The following ATP2B2 variants were observed in gnomAD, a reference collection of about 807,000 sequenced individuals.
ATP2B2 encodes plasma membrane calcium-transporting ATPase 2.
A neutral mutation model predicts 120.0 loss-of-function variants in ATP2B2; 15 were observed. The ratio of observed to expected loss-of-function variants is 0.12; its 90% CI spans 0.08 to 0.19. The LOEUF (loss-of-function observed/expected upper bound fraction) is 0.19. ATP2B2 is among the 10% of genes least tolerant of loss of function. The pLI is 1.00. For synonymous variants in ATP2B2, 694 were observed against 700.3 expected, an observed-to-expected ratio of 0.99 and a Z score of 0.14; for missense variants, 1,045 against 1,719.8, an observed-to-expected ratio of 0.61 and a Z score of 6.94.
intron 1 of ATP2B2, among the ~76,000 whole-genome samples, chr3:10,484,183 G>C (rs1254151821): frequency 1.3e-5 from 2 of 152,150 alleles, no homozygotes; most frequent in Non-Finnish European, 2.9e-5. Flanking sequence ...GAGTCCAGGA[G>C]GGGTGCAGAA....
At chr3:10,592,104 A>G (rs1307966069) in intron 2 of ATP2B2, among the ~76,000 whole-genome samples, 1 of 152,194 alleles carries the variant, frequency 6.6e-6, no homozygotes, top group Non-Finnish European at 1.5e-5. Flanking sequence ...ACTCACAGAT[A>G]TGGAGAACAG....
At chr3:10,663,664 T>G (rs2070848706) in intron 1 of ATP2B2, among the ~76,000 whole-genome samples, 1 of 152,114 alleles carries the variant, frequency 6.6e-6, no homozygotes, top group African/African-American at 2.4e-5. Flanking sequence ...TCTGGCAGCA[T>G]GGGCACTAGA....
chr3:10,606,880 AACACACACACACACAC>A (rs147614282), intron 2 of ATP2B2, among the ~76,000 whole-genome samples: 1 of 100,050 alleles, frequency 1.0e-5, no homozygotes, highest in East Asian at 3.7e-4. Flanking sequence ...ACGGAGTCTA[AACACACACACACACAC>A]ACACACACAC....
intron 1 of ATP2B2, among the ~76,000 whole-genome samples, chr3:10,692,520 A>C (rs2125714841): frequency 6.6e-6 from 1 of 152,218 alleles, no homozygotes; most frequent in Non-Finnish European, 1.5e-5. Context: ...CTGGGTCTGA[A>C]ATGATTCTCT....
intron 12 of ATP2B2, among the ~76,000 whole-genome samples, chr3:10,360,770 A>C (rs758263329): frequency 2.0e-5 from 3 of 152,226 alleles, no homozygotes; most frequent in Non-Finnish European, 4.4e-5. Context: ...CCGGCTTTAC[A>C]TGAGCTTGTG....
intron 1 of ATP2B2, among the ~76,000 whole-genome samples, chr3:10,627,207 AAG>A (rs1468587973): frequency 6.6e-6 from 1 of 152,196 alleles, no homozygotes; most frequent in Non-Finnish European, 1.5e-5. Context: ...GGGCTTCTCT[AAG>A]AGGCGGGTGC....
chr3:10,549,806 G>A (rs1257538616), intron 2 of ATP2B2, among the ~76,000 whole-genome samples: 2 of 152,160 alleles, frequency 1.3e-5, no homozygotes, highest in Admixed American at 6.5e-5. Flanking sequence ...GGAGTCCAGG[G>A]AAGATAGAAA....
At chr3:10,353,200 C>T (rs896766365) in intron 14 of ATP2B2, among the ~76,000 whole-genome samples, 72 of 152,206 alleles carry the variant, frequency 4.7e-4, no homozygotes, top group Admixed American at 4.6e-3. Context: ...ACTCTGGGAA[C>T]ACAGAAGGGG....
intron 3 of ATP2B2, among the ~76,000 whole-genome samples, chr3:10,524,014 G>T (rs1437555905): frequency 6.6e-6 from 1 of 152,288 alleles, no homozygotes; most frequent in East Asian, 1.9e-4. Context: ...TTGTGCATAA[G>T]AATCCAGATT....
At chr3:10,440,099 C>CCAAA (rs2063612323) in intron 2 of ATP2B2, among the ~76,000 whole-genome samples, 1 of 46,070 alleles carries the variant, frequency 2.2e-5, no homozygotes, top group Non-Finnish European at 4.1e-5. Flanking sequence ...GAGACTCTAT[C>CCAAA]TAAAAAAAAA....
chr3:10,328,976 C>T lies in ATP2B2; in HGVS notation c.3570G>A (p.Leu1190=). The T allele has an allele frequency of 6.2e-7, 1 of 1,613,874 alleles. No individual in the cohort carries two copies. The highest frequency in any genetic ancestry group is 2.2e-5 in the East Asian group (1 of 44,862). Residue 1190 remains leucine (L), a synonymous_variant, in exon 23 of 23, where the codon CTG becomes CTA. Coordinates refer to ENST00000360273, the MANE Select transcript of ATP2B2 (RefSeq NM_001001331.4). ...TCTGCTTGAGCGCGGCATCTTCTTC[C>T]AGGTCGGTGTCATCAATGAGGGGGA... is the stretch of plus-strand genomic sequence containing the variant. ...PHIPLIDDTD[L]EEDAALKQNS...
intron 5 of ATP2B2, among the ~76,000 whole-genome samples, chr3:10,392,359 TGTGCC>T (rs2061880583): frequency 6.0e-5 from 9 of 150,982 alleles, no homozygotes; most frequent in Admixed American, 5.9e-4. Context: ...CTCACTGGGC[TGTGCC>T]CTGTCCTCTC....
intron 1 of ATP2B2, among the ~76,000 whole-genome samples, chr3:10,480,739 C>T (rs1279146531): frequency 6.6e-6 from 1 of 152,248 alleles, no homozygotes; most frequent in Non-Finnish European, 1.5e-5. Context: ...GCAAGGCCTA[C>T]TGCATTAGCC....
At chr3:10,683,760 G>GTGTGTGTGTGTA (rs1446781892) in intron 1 of ATP2B2, among the ~76,000 whole-genome samples, 21 of 53,880 alleles carry the variant, frequency 3.9e-4, no homozygotes, top group East Asian at 1.9e-3. Context: ...GTGTGTGTGT[G>GTGTGTGTGTGTA]TATATATATA....
chr3:10,365,535 C>T (rs901916361), intron 12 of ATP2B2, among the ~76,000 whole-genome samples: 9 of 152,050 alleles, frequency 5.9e-5, no homozygotes, highest in Non-Finnish European at 8.8e-5. Context: ...AATGCAGAGG[C>T]GCTGCACTCC....
At chr3:10,476,383 T>C (rs1041730593) in intron 1 of ATP2B2, among the ~76,000 whole-genome samples, 1 of 152,242 alleles carries the variant, frequency 6.6e-6, no homozygotes, top group Admixed American at 6.5e-5. Flanking sequence ...CAAGGCCTAG[T>C]AGGACCAAGT....
At chr3:10,540,863 T>C (rs1278600067) in intron 2 of ATP2B2, among the ~76,000 whole-genome samples, 4 of 150,302 alleles carry the variant, frequency 2.7e-5, no homozygotes, top group Non-Finnish European at 4.4e-5. Context: ...GAACTTAAAA[T>C]ATAATTAAAA....
chr3:10,638,482 T>G (rs991314954), intron 1 of ATP2B2, among the ~76,000 whole-genome samples: 2 of 151,852 alleles, frequency 1.3e-5, no homozygotes, highest in African/African-American at 4.8e-5. Context: ...GAATTAGAGA[T>G]AATAAGCTAA....
intron 2 of ATP2B2, among the ~76,000 whole-genome samples, chr3:10,446,813 G>A (rs1032083604): frequency 1.3e-5 from 2 of 152,206 alleles, no homozygotes; most frequent in South Asian, 2.1e-4. Flanking sequence ...GAGGTCAGAC[G>A]AAAAGGCCCA....
Sources: gnomAD v4.1 joint callset for allele counts (sites outside exome capture counted in the v4.1 genomes callset) on GRCh38, gnomAD v4.1.1 for gene constraint, MANE v1.5 for transcripts, NCBI Gene and HGNC (gene_info 2026-07-23, HGNC 2026-07-21) for gene names.